Variants in FGGY observed in about 807,000 individuals in gnomAD.
FGGY encodes FGGY carbohydrate kinase domain-containing protein.
In FGGY, 72 loss-of-function variants were observed where a neutral mutation model predicts 71.3. That is an observed-to-expected ratio of 1.01 (90% CI 0.84 to 1.23). The LOEUF (loss-of-function observed/expected upper bound fraction) is 1.23, where lower values mean the gene tolerates loss of function less well. Among genes scored for constraint, FGGY ranks in the 50% most tolerant of loss-of-function variants. The pLI is 0.00. For synonymous variants in FGGY, 251 were observed against 250.3 expected (o/e 1.00, Z -0.02); for missense variants, 668 against 682.3 (o/e 0.98, Z 0.23).
At chr1:59,634,656 A>G (rs2096939475) in intron 10 of FGGY, among the ~76,000 whole-genome samples, 4 of 152,080 alleles carry the variant, frequency 2.6e-5, no homozygotes, top group South Asian at 2.1e-4. Context: ...ATCACAAGCA[A>G]TAGGTCCGAA....
At chr1:59,393,026 A>G (rs541458171) in intron 5 of FGGY, among the ~76,000 whole-genome samples, 1 of 152,290 alleles carries the variant, frequency 6.6e-6, no homozygotes, top group East Asian at 1.9e-4. Flanking sequence ...CAGCTCATTC[A>G]TCTTCCTGGT....
chr1:59,643,230 G>A (rs2097056069), intron 11 of FGGY, among the ~76,000 whole-genome samples: 1 of 152,012 alleles, frequency 6.6e-6, no homozygotes. Context: ...ACTCAGACTG[G>A]AATGCAGTGG....
At chr1:59,537,116 AT>A (rs2095338815) in intron 7 of FGGY, among the ~76,000 whole-genome samples, 2 of 150,984 alleles carry the variant, frequency 1.3e-5, no homozygotes, top group Admixed American at 1.3e-4. Context: ...TCAGCCCAAA[AT>A]CTCCTTAAGC....
intron 14 of FGGY, among the ~76,000 whole-genome samples, chr1:59,719,258 C>CTT (rs138228931): frequency 2.0e-4 from 30 of 150,360 alleles, no homozygotes; most frequent in Middle Eastern, 3.5e-3. Context: ...GTCAACAGAA[C>CTT]TTTTTTTTTT....
chr1:59,662,049 G>A (rs1433857873), intron 12 of FGGY, among the ~76,000 whole-genome samples: 5 of 144,410 alleles, frequency 3.5e-5, no homozygotes, highest in Non-Finnish European at 7.7e-5. Flanking sequence ...GGCCAGGCGC[G>A]GTGACTCAAC....
chr1:59,388,304 T>G (rs553165854), intron 5 of FGGY, among the ~76,000 whole-genome samples: 1 of 152,282 alleles, frequency 6.6e-6, no homozygotes, highest in South Asian at 2.1e-4. Context: ...AGCTCATTAT[T>G]ATCACCTTTT....
At chr1:59,691,221 T>C (rs1453598510) in intron 14 of FGGY, among the ~76,000 whole-genome samples, 1 of 152,172 alleles carries the variant, frequency 6.6e-6, no homozygotes, top group African/African-American at 2.4e-5. Context: ...TAACTGAAAA[T>C]ATTATAATGT....
chr1:59,588,044 GA>G (rs1318615570), intron 8 of FGGY, among the ~76,000 whole-genome samples: 2 of 152,064 alleles, frequency 1.3e-5, no homozygotes. Context: ...TGAAAACTTT[GA>G]AAAAAATTCA....
rs140820237 is a variant in FGGY at position 59,327,839 on chromosome 1, A to G, written c.201+6089A>G. On this transcript the variant is annotated intron_variant, in intron 2 of 15. Transcript: ENST00000303721. ...CATCTCCTTGTACATCTTCATCAGA[A>G]CTCTTTGGTGACTCGGTGCATTGTC... 2.9e-3 allele frequency among the ~76,000 whole-genome samples: 445 copies of G among 152,174 alleles called. 2 individuals carry two copies. The highest frequency in any genetic ancestry group is 0.01 in the African/African-American group (434 of 41,530).
intron 6 of FGGY, among the ~76,000 whole-genome samples, chr1:59,511,465 CG>C (rs1002495425): frequency 5.3e-5 from 8 of 151,188 alleles, no homozygotes; most frequent in Admixed American, 1.3e-4. Flanking sequence ...AGAGAGGGCT[CG>C]GGCTCTGTTT....
chr1:59,735,161 A>G (rs570625917), intron 14 of FGGY, among the ~76,000 whole-genome samples: 1 of 152,266 alleles, frequency 6.6e-6, no homozygotes, highest in South Asian at 2.1e-4. Flanking sequence ...TCACACACAC[A>G]TACGCACACA....
chr1:59,337,748 A>G (rs559375793), intron 2 of FGGY, among the ~76,000 whole-genome samples: 17 of 152,146 alleles, frequency 1.1e-4, no homozygotes, highest in African/African-American at 3.4e-4. Context: ...AGTTCTAGTA[A>G]TTTTTTTAGC....
At chr1:59,666,360 CT>C (rs1347089529) in intron 12 of FGGY, among the ~76,000 whole-genome samples, 1 of 152,184 alleles carries the variant, frequency 6.6e-6, no homozygotes, top group Admixed American at 6.5e-5. Context: ...TGGCTGCCCC[CT>C]TATGGCCACA....
At chr1:59,448,184 A>G (rs1237345750) in intron 5 of FGGY, among the ~76,000 whole-genome samples, 3 of 152,174 alleles carry the variant, frequency 2.0e-5, no homozygotes, top group Non-Finnish European at 2.9e-5. Flanking sequence ...GTCATCTTCT[A>G]TCCTGTTCTC....
intron 14 of FGGY, among the ~76,000 whole-genome samples, chr1:59,750,137 T>A (rs143592197): frequency 7.4e-4 from 113 of 152,274 alleles, no homozygotes; most frequent in African/African-American, 2.6e-3. Flanking sequence ...TAGCAGAGCC[T>A]GGATCCAACC....
chr1:59,709,469 C>CAA (rs1433114207), intron 14 of FGGY, among the ~76,000 whole-genome samples: 1 of 147,550 alleles, frequency 6.8e-6, no homozygotes, highest in Non-Finnish European at 1.5e-5. Flanking sequence ...AACTATATCA[C>CAA]ACACACACAC....
chr1:59,526,586 C>T (rs1400025016), intron 7 of FGGY, among the ~76,000 whole-genome samples: 1 of 152,218 alleles, frequency 6.6e-6, no homozygotes, highest in Non-Finnish European at 1.5e-5. Flanking sequence ...GATCAGCCAG[C>T]TCTTCCAGGA....
At chr1:59,554,521 A>C (rs1274533662) in intron 8 of FGGY, among the ~76,000 whole-genome samples, 1 of 152,132 alleles carries the variant, frequency 6.6e-6, no homozygotes, top group African/African-American at 2.4e-5. Flanking sequence ...TCCTAAGGTG[A>C]CAAAGTCTAG....
Position 59,717,758 on chromosome 1 carries a change from C to T in FGGY, c.1513-40173C>T, listed in dbSNP as rs551279858. ...GCTACTGGCACTATGTGAAGAAGGA[C>T]GGAAAAGGCAAGAATTATATGCTGA... On this transcript the variant is annotated intron_variant, in intron 14 of 15. Coordinates refer to ENST00000303721, the MANE Select transcript of FGGY (RefSeq NM_018291.5). Among the ~76,000 whole-genome samples the T allele has an allele frequency of 5.3e-5, 8 of 152,232 alleles. No homozygotes were observed. In the South Asian group the frequency reaches 8.3e-4, roughly 16 times the overall value.
Sources: allele counts gnomAD v4.1 joint callset (sites outside exome capture counted in the v4.1 genomes callset), GRCh38; gene constraint gnomAD v4.1.1; transcripts MANE v1.5; gene names NCBI Gene and HGNC (gene_info 2026-07-23, HGNC 2026-07-21).